The following SCMH1 variants were observed in gnomAD, a reference collection of about 807,000 sequenced individuals.
SCMH1 encodes polycomb protein SCMH1.
A neutral mutation model predicts 70.8 loss-of-function variants in SCMH1; 37 were observed. That is an observed-to-expected ratio of 0.52 (90% CI 0.40 to 0.69). The LOEUF (loss-of-function observed/expected upper bound fraction) is 0.69, where lower values mean the gene tolerates loss of function less well. Among genes scored for constraint, SCMH1 ranks in the 30% least tolerant of loss-of-function variants. The pLI is 0.00. For synonymous variants in SCMH1, 292 were observed against 307.4 expected, an observed-to-expected ratio of 0.95 and a Z score of 0.52; for missense variants, 607 against 827.3, an observed-to-expected ratio of 0.73 and a Z score of 3.27.
At chr1:41,051,140 C>CTGCATATA (rs1647972771) in intron 10 of SCMH1, among the ~76,000 whole-genome samples, 1 of 152,160 alleles carries the variant, frequency 6.6e-6, no homozygotes, top group Admixed American at 6.5e-5. Flanking sequence ...CAATGGCAGA[C>CTGCATATA]TGCATATATG....
chr1:41,042,751 T>C (rs941686969), intron 12 of SCMH1, among the ~76,000 whole-genome samples: 4 of 152,220 alleles, frequency 2.6e-5, no homozygotes, highest in Non-Finnish European at 4.4e-5. Context: ...TCTCTACCTG[T>C]CTCAGCTCTT....
At chr1:41,149,972 C>T (rs1644917789) in intron 5 of SCMH1, among the ~76,000 whole-genome samples, 1 of 152,154 alleles carries the variant, frequency 6.6e-6, no homozygotes, top group Non-Finnish European at 1.5e-5. Context: ...CAGCTTTCTC[C>T]TCCTGACACT....
At chr1:41,082,514 C>T (rs948836314) in intron 8 of SCMH1, among the ~76,000 whole-genome samples, 2 of 152,076 alleles carry the variant, frequency 1.3e-5, no homozygotes, top group Non-Finnish European at 2.9e-5. Flanking sequence ...CAAGCAAATG[C>T]TAAGAGATTT....
chr1:41,036,998 T>C (rs6693524), intron 13 of SCMH1, among the ~76,000 whole-genome samples: 128 of 151,548 alleles, frequency 8.4e-4, no homozygotes, highest in African/African-American at 3.1e-3. Context: ...GTTTAATAAT[T>C]ATCTGTTTAC....
chr1:41,059,055 TTACCTTTCC>T (rs1651643110), intron 10 of SCMH1, among the ~76,000 whole-genome samples: 1 of 152,208 alleles, frequency 6.6e-6, no homozygotes, highest in Non-Finnish European at 1.5e-5. Context: ...CTGAGGCTTT[TTACCTTTCC>T]TTTGGGGATC....
rs1649688751 is a variant in SCMH1 at position 41,184,629 on chromosome 1, A to C, written c.13+1492T>G. Among the ~76,000 whole-genome samples, 3 of 152,166 alleles carry C rather than the reference A, an allele frequency of 2.0e-5. No homozygotes were observed. In the South Asian group the frequency reaches 6.2e-4, roughly 31 times the overall value. ...TCTTTTGATTGGAGGCATTCGACAA[A>C]GCATTCACTACAGGGAAGCAGATGT... On this transcript the variant is annotated intron_variant, in intron 2 of 14. Transcript: ENST00000337495.
At chr1:41,099,797 G>A (rs190163748) in intron 8 of SCMH1, among the ~76,000 whole-genome samples, 25 of 152,266 alleles carry the variant, frequency 1.6e-4, no homozygotes, top group African/African-American at 5.5e-4. Context: ...AAATCCCACT[G>A]GAGGTTTGTG....
At chr1:41,150,402 C>G (rs1215820235) in intron 5 of SCMH1, among the ~76,000 whole-genome samples, 3 of 152,112 alleles carry the variant, frequency 2.0e-5, no homozygotes, top group African/African-American at 7.2e-5. Context: ...ACTCGGGAGG[C>G]TGAGGCAGGA....
At chr1:41,071,035 T>C (rs1280275088) in intron 9 of SCMH1, among the ~76,000 whole-genome samples, 1 of 152,110 alleles carries the variant, frequency 6.6e-6, no homozygotes, top group Non-Finnish European at 1.5e-5. Flanking sequence ...AAAAGCAAAA[T>C]ATGCCATAGT....
At position 41,070,738 on chromosome 1, in the gene SCMH1, GA is replaced by G; in HGVS notation, c.979-18del. ...AGGTTTCCTCTGTCAAAATGAATGG[GA>G]AAAAAATTGCTACCCATGACAGGTC... On this transcript the variant is annotated intron_variant, in intron 9 of 14. Transcript: ENST00000337495. 6.2e-7 allele frequency: 1 copy of G among 1,612,164 alleles called. No homozygotes were observed. The highest frequency in any genetic ancestry group is 2.2e-5 in the East Asian group (1 of 44,850).
intron 11 of SCMH1, among the ~76,000 whole-genome samples, chr1:41,047,815 C>A (rs942466085): frequency 1.3e-5 from 2 of 152,234 alleles, no homozygotes; most frequent in African/African-American, 2.4e-5. Context: ...TATTACAGCA[C>A]TTCTCACAGT....
At chr1:41,167,692 T>A (rs1438675119) in intron 2 of SCMH1, among the ~76,000 whole-genome samples, 1 of 152,188 alleles carries the variant, frequency 6.6e-6, no homozygotes, top group African/African-American at 2.4e-5. Flanking sequence ...TCCTTTGTAT[T>A]TCTATGTTGT....
At chr1:41,133,670 T>C (rs1642769216) in intron 6 of SCMH1, among the ~76,000 whole-genome samples, 1 of 152,076 alleles carries the variant, frequency 6.6e-6, no homozygotes, top group South Asian at 2.1e-4. Context: ...TCTATGCAAA[T>C]AAACTAGAAA....
intron 8 of SCMH1, among the ~76,000 whole-genome samples, chr1:41,079,846 T>C (rs1387869027): frequency 6.6e-6 from 1 of 152,178 alleles, no homozygotes; most frequent in Non-Finnish European, 1.5e-5. Context: ...TCTAATGCTC[T>C]AAATTTTTTT....
chr1:41,205,061 A>C (rs1353065075), intron 1 of SCMH1, among the ~76,000 whole-genome samples: 1 of 152,232 alleles, frequency 6.6e-6, no homozygotes, highest in Non-Finnish European at 1.5e-5. Context: ...AAAATGAAAC[A>C]AAAATGACTG....
intron 1 of SCMH1, among the ~76,000 whole-genome samples, chr1:41,193,748 A>G (rs577234968): frequency 2.0e-4 from 31 of 152,294 alleles, no homozygotes; most frequent in African/African-American, 7.5e-4. Flanking sequence ...TGAGGCTAGA[A>G]AAGTAGAAAT....
At chr1:41,034,322 CTT>C (rs949806174) in intron 13 of SCMH1, among the ~76,000 whole-genome samples, 10 of 151,468 alleles carry the variant, frequency 6.6e-5, no homozygotes, top group African/African-American at 2.4e-4. Flanking sequence ...GACTTTTTTT[CTT>C]TTCTTTTCTT....
At chr1:41,240,296 A>G (rs1037641291) in intron 1 of SCMH1, among the ~76,000 whole-genome samples, 15 of 152,234 alleles carry the variant, frequency 9.9e-5, no homozygotes, top group African/African-American at 2.7e-4. Context: ...AGGATCCCAG[A>G]TGTAAGAGCC....
chr1:41,150,465 C>T (rs117463479), intron 5 of SCMH1, among the ~76,000 whole-genome samples: 5 of 151,712 alleles, frequency 3.3e-5, no homozygotes, highest in Admixed American at 1.3e-4. Context: ...ATCAAGACAC[C>T]GCACTCCAGC....
Sources: gnomAD v4.1 joint callset for allele counts (sites outside exome capture counted in the v4.1 genomes callset) on GRCh38, gnomAD v4.1.1 for gene constraint, MANE v1.5 for transcripts, NCBI Gene and HGNC (gene_info 2026-07-23, HGNC 2026-07-21) for gene names.